The following CDH7 variants were observed in gnomAD, a reference collection of about 807,000 sequenced individuals.
CDH7 encodes the protein cadherin-7.
Under a neutral mutation model 71.8 loss-of-function variants are expected in CDH7, and 25 were observed. That is an observed-to-expected ratio of 0.35 (90% CI 0.25 to 0.49). CDH7 has a LOEUF of 0.49. Among genes scored for constraint, CDH7 ranks in the 20% least tolerant of loss-of-function variants. The probability of loss-of-function intolerance (pLI) is 0.99; values close to 1 mark genes in which losing one functional copy is unlikely to be tolerated. For synonymous variants in CDH7, 381 were observed against 363.8 expected, an observed-to-expected ratio of 1.05 and a Z score of -0.54; for missense variants, 862 against 974.6, an observed-to-expected ratio of 0.88 and a Z score of 1.54.
chr18:65,814,712 C>A, intron 4 of CDH7, 108 bp downstream of exon 4: 1 of 900,798 alleles, frequency 1.1e-6, no homozygotes, highest in Non-Finnish European at 1.6e-6. Flanking sequence ...TTTTATTATG[C>A]TTCTCTCAAT....
At chr18:65,827,702 G>C (rs1168323472) in intron 6 of CDH7, among the ~76,000 whole-genome samples, 2 of 151,764 alleles carry the variant, frequency 1.3e-5, no homozygotes, top group African/African-American at 4.8e-5. Context: ...TCTTAATGTG[G>C]AGAATATATA....
At chr18:65,823,110 G>A (rs986927893) in intron 5 of CDH7, among the ~76,000 whole-genome samples, 5 of 151,742 alleles carry the variant, frequency 3.3e-5, no homozygotes, top group African/African-American at 1.2e-4. Context: ...ATCAAAAAAC[G>A]AACCTTTCTG....
At chr18:65,871,938 A>G (rs2045496151) in intron 11 of CDH7, among the ~76,000 whole-genome samples, 2 of 152,266 alleles carry the variant, frequency 1.3e-5, no homozygotes, top group African/African-American at 4.8e-5. Context: ...TACAAGAGGC[A>G]GTTGAACCTG....
chr18:65,791,116 G>C (rs1242558267), intron 2 of CDH7, among the ~76,000 whole-genome samples: 2 of 152,120 alleles, frequency 1.3e-5, no homozygotes, highest in African/African-American at 4.8e-5. Context: ...TAAAATATTT[G>C]AAGAATGATT....
intron 11 of CDH7, among the ~76,000 whole-genome samples, chr18:65,872,525 T>A (rs1397658901): frequency 1.3e-5 from 2 of 151,268 alleles, no homozygotes; most frequent in Non-Finnish European, 2.9e-5. Flanking sequence ...CTGAAAAGAG[T>A]GGGGATAGCA....
intron 2 of CDH7, among the ~76,000 whole-genome samples, chr18:65,806,332 A>T (rs1911319993): frequency 6.6e-6 from 1 of 151,996 alleles, no homozygotes; most frequent in African/African-American, 2.4e-5. Context: ...AAGTCAAAAC[A>T]AATACTTTGA....
chr18:65,754,822 T>A (rs1915988686), intron 1 of CDH7, among the ~76,000 whole-genome samples: 1 of 152,152 alleles, frequency 6.6e-6, no homozygotes, highest in South Asian at 2.1e-4. Flanking sequence ...TTGTTTAAAT[T>A]TCAGTGGAAA....
chr18:65,782,729 T>C (rs963400453), intron 2 of CDH7, among the ~76,000 whole-genome samples: 1 of 152,168 alleles, frequency 6.6e-6, no homozygotes, highest in Non-Finnish European at 1.5e-5. Context: ...TCTGTGTAAT[T>C]TAATACATTA....
chr18:65,774,197 TTAC>T (rs1441968234), intron 2 of CDH7, among the ~76,000 whole-genome samples: 1 of 151,952 alleles, frequency 6.6e-6, no homozygotes. Flanking sequence ...ATTATTATTA[TTAC>T]TGTTATTAAT....
In CDH7 at chr18:65,826,047, G is replaced by A. The variant is rs889499471; in HGVS notation, c.981+1216G>A. 2.6e-5 allele frequency among the ~76,000 whole-genome samples: 4 copies of A among 151,472 alleles called. No homozygotes were observed. In the South Asian group the frequency reaches 8.3e-4, roughly 31 times the overall value. ...TATAATGAAGGCAGCATGAATCTTTGAAAATTCTAAATTTAATATAAAATA... is the reference window on the plus strand; with the variant it reads ...TATAATGAAGGCAGCATGAATCTTTAAAAATTCTAAATTTAATATAAAATA... On this transcript the variant is annotated intron_variant, in intron 6 of 11. Coordinates refer to ENST00000397968, the MANE Select transcript of CDH7 (RefSeq NM_004361.5).
At chr18:65,825,071 A>G (rs1448884562) in intron 6 of CDH7, among the ~76,000 whole-genome samples, 2 of 151,942 alleles carry the variant, frequency 1.3e-5, no homozygotes, top group Non-Finnish European at 2.9e-5. Flanking sequence ...ATAGCACTAT[A>G]AAAATAAAGC....
chr18:65,839,589 A>G (rs1235925078), intron 6 of CDH7, among the ~76,000 whole-genome samples: 5 of 152,206 alleles, frequency 3.3e-5, no homozygotes, highest in African/African-American at 7.2e-5. Flanking sequence ...ATTTTTTAAA[A>G]TGCATGTTAA....
chr18:65,783,088 A>G (rs1391064177), intron 2 of CDH7, among the ~76,000 whole-genome samples: 3 of 152,208 alleles, frequency 2.0e-5, no homozygotes, highest in African/African-American at 7.2e-5. Flanking sequence ...TGCTCTGTGT[A>G]TGTTCAAGAA....
rs1555689487 is a variant in CDH7 at position 65,853,922 on chromosome 18, T to TATATCC, written c.1236-3890_1236-3889insCCATAT. 1.3e-3 allele frequency among the ~76,000 whole-genome samples: 96 copies of TATATCC among 75,798 alleles called. 1 individual carries two copies. The highest frequency in any genetic ancestry group is 5.5e-3 in the African/African-American group (90 of 16,340). 49.7% of individuals were successfully genotyped at this position (75,798 alleles called of 152,430 possible). A position where few individuals can be genotyped will look rare whatever the true frequency, so the allele number is the denominator to read the frequency against. ...ATAAATTACCATATATATATATATATATATATATATATATATATATATATA... is the reference window on the plus strand; with the variant it reads ...ATAAATTACCATATATATATATATATATATCCATATATATATATATATATATATATA... On this transcript the variant is annotated intron_variant, in intron 7 of 11. Transcript: ENST00000397968.
chr18:65,837,320 T>A (rs1164422765), intron 6 of CDH7, among the ~76,000 whole-genome samples: 1 of 151,762 alleles, frequency 6.6e-6, no homozygotes, highest in African/African-American at 2.4e-5. Context: ...GGCTGCAGAG[T>A]TTTTATGAGC....
intron 4 of CDH7, 151 bp downstream of exon 4, chr18:65,814,755 G>C: frequency 1.7e-6 from 1 of 583,152 alleles, no homozygotes. Flanking sequence ...TATTATTGAG[G>C]ATTTATCACC....
In CDH7 at chr18:65,781,846, CTTTCTTTCTTTCTT is replaced by C. The variant is rs1164306688; in HGVS notation, c.210+18796_210+18809del. Among the ~76,000 whole-genome samples, 322 of 98,020 alleles carry C rather than the reference CTTTCTTTCTTTCTT, an allele frequency of 3.3e-3. 18 individuals are homozygous for C. The highest frequency in any genetic ancestry group is 0.019 in the African/African-American group (299 of 15,850). 64.3% of individuals were successfully genotyped at this position (98,020 alleles called of 152,430 possible). On this transcript the variant is annotated intron_variant, in intron 2 of 11. Coordinates refer to ENST00000397968, the MANE Select transcript of CDH7 (RefSeq NM_004361.5). ...TCTTTCTTTCTTTCTTTCTTTCTTT[CTTTCTTTCTTTCTT>C]TCTTTCTCTCTCTCTCTCTGTCTCT...
intron 2 of CDH7, chr18:65,803,622 G>A (rs1471760542): frequency 2.6e-5 from 4 of 151,904 alleles, no homozygotes; most frequent in African/African-American, 9.7e-5. Context: ...CTTGATAATT[G>A]CAATATATAC....
intron 1 of CDH7, among the ~76,000 whole-genome samples, chr18:65,751,508 T>G (rs1404185361): frequency 6.6e-6 from 1 of 152,042 alleles, no homozygotes; most frequent in African/African-American, 2.4e-5. Context: ...ACAAGCAGGC[T>G]CCTCCCTCAA....
Sources: allele counts gnomAD v4.1 joint callset (sites outside exome capture counted in the v4.1 genomes callset), GRCh38; gene constraint gnomAD v4.1.1; transcripts MANE v1.5; gene names NCBI Gene and HGNC (gene_info 2026-07-23, HGNC 2026-07-21).